The following DIP2B variants were observed in gnomAD, a reference collection of about 807,000 sequenced individuals.
DIP2B encodes the protein disco-interacting protein 2 homolog B.
Under a neutral mutation model 198.0 loss-of-function variants are expected in DIP2B, and 76 were observed. The observed-to-expected ratio is 0.38, with a 90% CI of 0.32 to 0.46. The LOEUF is 0.46. DIP2B is among the 20% of genes least tolerant of loss of function. The pLI, the probability that DIP2B is intolerant of heterozygous loss-of-function variation, is 0.99. For synonymous variants in DIP2B, 701 were observed against 739.1 expected, an observed-to-expected ratio of 0.95 and a Z score of 0.84; for missense variants, 1,559 against 1,978.4, an observed-to-expected ratio of 0.79 and a Z score of 4.02.
chr12:50,659,552 G>A (rs1040983013), intron 3 of DIP2B, among the ~76,000 whole-genome samples: 20 of 151,748 alleles, frequency 1.3e-4, no homozygotes, highest in African/African-American at 4.8e-4. Flanking sequence ...AGTGACCTTT[G>A]GAGTGGGGGT....
chr12:50,745,840 CT>C lies in DIP2B; in HGVS notation c.*1005del, dbSNP rs1471087667. 1 of 152,266 alleles carries C rather than the reference CT, an allele frequency of 6.6e-6. No individual in the cohort carries two copies. The highest frequency in any genetic ancestry group is 2.4e-5 in the African/African-American group (1 of 41,456). The allele number at this position is 152,266 out of a possible 1,614,324, so 9.4% of individuals were successfully genotyped here. A position where few individuals can be genotyped will look rare whatever the true frequency, so the allele number is the denominator to read the frequency against. On this transcript the variant is annotated 3_prime_UTR_variant, in exon 38 of 38. Coordinates refer to ENST00000301180, the MANE Select transcript of DIP2B (RefSeq NM_173602.3). ...ACTATGTAAGAATTTAGGATTTCCT[CT>C]TTTCCAGGCACATTGTAAACTGTGT...
chr12:50,723,911 A>C (rs1939885313), intron 27 of DIP2B, among the ~76,000 whole-genome samples: 1 of 152,206 alleles, frequency 6.6e-6, no homozygotes, highest in South Asian at 2.1e-4. Flanking sequence ...ATAGCATTAA[A>C]AGGTGTCCAG....
chr12:50,587,545 G>T (rs757432242), intron 1 of DIP2B, among the ~76,000 whole-genome samples: 1 of 152,088 alleles, frequency 6.6e-6, no homozygotes, highest in Non-Finnish European at 1.5e-5. Context: ...AAATCATAGA[G>T]GTGTATAGAA....
At chr12:50,693,586 G>A (rs1939256274) in intron 14 of DIP2B, among the ~76,000 whole-genome samples, 2 of 152,132 alleles carry the variant, frequency 1.3e-5, no homozygotes, top group South Asian at 4.1e-4. Context: ...CATGAGGGAA[G>A]AGGAGGTGGA....
intron 1 of DIP2B, among the ~76,000 whole-genome samples, chr12:50,554,767 C>T (rs1048524128): frequency 4.6e-5 from 7 of 151,764 alleles, no homozygotes; most frequent in Non-Finnish European, 7.4e-5. Context: ...GCTCCCCCCC[C>T]GCCCCTTTTT....
chr12:50,525,580 G>T (rs193194815), intron 1 of DIP2B, among the ~76,000 whole-genome samples: 124 of 146,586 alleles, frequency 8.5e-4, no homozygotes, highest in African/African-American at 3.0e-3. Context: ...TGGTGTACAT[G>T]GAGCTCACTG....
chr12:50,718,576 C>T, intron 23 of DIP2B, 133 bp from the exon 24 acceptor site: 2 of 735,626 alleles, frequency 2.7e-6, no homozygotes, highest in Non-Finnish European at 4.6e-6. Flanking sequence ...TCCTGGGTTC[C>T]CAGTGCCTAG....
intron 32 of DIP2B, among the ~76,000 whole-genome samples, chr12:50,733,623 G>C (rs1940087196): frequency 6.6e-6 from 1 of 152,168 alleles, no homozygotes; most frequent in East Asian, 1.9e-4. Flanking sequence ...GGGATTGCTT[G>C]AGCCCAGGAG....
At chr12:50,611,273 T>C (rs1959029595) in intron 1 of DIP2B, among the ~76,000 whole-genome samples, 1 of 152,192 alleles carries the variant, frequency 6.6e-6, no homozygotes, top group African/African-American at 2.4e-5. Context: ...TTCACTCTAT[T>C]TTAAGTGCTT....
rs937144956 is a variant in DIP2B at position 50,720,550 on chromosome 12, C to T, written c.3043-723C>T. The stretch of plus-strand genomic sequence containing the variant: ...ACTTTTATGACAGAAAATTTGGGGA[C>T]TTTCTTGTTCCACCTCTGCATGAAG... On this transcript the variant is annotated intron_variant, in intron 25 of 37. Coordinates refer to ENST00000301180, the MANE Select transcript of DIP2B (RefSeq NM_173602.3). Among the ~76,000 whole-genome samples the T allele has an allele frequency of 3.9e-5, 6 of 152,058 alleles. No individual in the cohort carries two copies. The South Asian group carries it at 1.2e-3, about 32-fold the overall frequency.
chr12:50,626,117 C>T, intron 2 of DIP2B, 70 bp downstream of exon 2: 2 of 1,492,890 alleles, frequency 1.3e-6, no homozygotes, highest in South Asian at 2.3e-5. Flanking sequence ...TACAAGACCT[C>T]TATCTTTTGT....
chr12:50,514,300 G>A (rs1958045042), intron 1 of DIP2B, among the ~76,000 whole-genome samples: 1 of 152,002 alleles, frequency 6.6e-6, no homozygotes, highest in African/African-American at 2.4e-5. Context: ...CCCAACCTCA[G>A]GTGATCCGCC....
chr12:50,724,171 A>G (rs760857821), intron 27 of DIP2B, among the ~76,000 whole-genome samples: 2 of 152,226 alleles, frequency 1.3e-5, no homozygotes, highest in South Asian at 4.1e-4. Context: ...TAATTCAGCA[A>G]AATGCCCTTG....
intron 17 of DIP2B, 56 bp downstream of exon 17, chr12:50,697,231 G>T: frequency 6.6e-7 from 1 of 1,520,924 alleles, no homozygotes; most frequent in Non-Finnish European, 9.1e-7. Flanking sequence ...GATGAAATGT[G>T]CAGTATTTAC....
At chr12:50,544,099 G>A (rs1027327568) in intron 1 of DIP2B, among the ~76,000 whole-genome samples, 36 of 146,852 alleles carry the variant, frequency 2.5e-4, no homozygotes, top group African/African-American at 6.3e-4. Context: ...GTGGTGGTTC[G>A]CGCCTGTAGT....
In DIP2B at chr12:50,708,478, T is replaced by A; in HGVS notation, c.2565T>A (p.Tyr855Ter). The A allele has an allele frequency of 6.2e-7, 1 of 1,606,842 alleles. No homozygotes were observed. The highest frequency in any genetic ancestry group is 8.5e-7 in the Non-Finnish European group (1 of 1,176,198). Residue 855 changes from tyrosine (Y) to a stop codon, truncating the protein, a stop_gained, in exon 22 of 38, where the codon TAT (tyrosine) becomes TAA (stop). Coordinates refer to ENST00000301180, the MANE Select transcript of DIP2B (RefSeq NM_173602.3). LOFTEE classifies it high-confidence loss of function. ...RIAVFSVSVF[Y>*]DERIVVVAEQ... ...CTGTGTTTTCTGTGTCTGTATTTTA[T>A]GATGAGCGCATTGTGGTGGTTGCGG...
At chr12:50,509,752 C>G (rs1346633359) in intron 1 of DIP2B, among the ~76,000 whole-genome samples, 1 of 152,150 alleles carries the variant, frequency 6.6e-6, no homozygotes, top group Non-Finnish European at 1.5e-5. Context: ...CACCATAAAA[C>G]TGGTAAATTC....
At chr12:50,655,333 C>T (rs529219187) in intron 3 of DIP2B, among the ~76,000 whole-genome samples, 2 of 152,138 alleles carry the variant, frequency 1.3e-5, no homozygotes, top group Non-Finnish European at 2.9e-5. Context: ...TTTGTGTAAA[C>T]AATAGTAAAT....
At chr12:50,692,386 A>C (rs1243368568) in intron 13 of DIP2B, among the ~76,000 whole-genome samples, 1 of 152,060 alleles carries the variant, frequency 6.6e-6, no homozygotes, top group Non-Finnish European at 1.5e-5. Context: ...TATTCTCCGC[A>C]TATTTAGGAA....
Sources: allele counts gnomAD v4.1 joint callset (sites outside exome capture counted in the v4.1 genomes callset), GRCh38; gene constraint gnomAD v4.1.1; transcripts MANE v1.5; gene names NCBI Gene and HGNC (gene_info 2026-07-23, HGNC 2026-07-21).